Variants in PLD5 observed in about 807,000 individuals in gnomAD.
PLD5 encodes the protein phospholipase D family member 5, also known as inactive phospholipase D5.
In PLD5, 36 loss-of-function variants were observed where a neutral mutation model predicts 61.1. The ratio of observed to expected loss-of-function variants is 0.59; its 90% CI spans 0.45 to 0.78. The LOEUF is 0.78. Ranked by LOEUF, PLD5 falls within the 30% of genes least tolerant of loss-of-function variation. The probability of loss-of-function intolerance (pLI) is 0.00; values close to 1 mark genes in which losing one functional copy is unlikely to be tolerated. For missense variants in PLD5, 515 were observed against 644.4 expected, an observed-to-expected ratio of 0.80 and a Z score of 2.17; for synonymous variants, 243 against 242.8, an observed-to-expected ratio of 1.00 and a Z score of -0.01.
At chr1:242,098,498 G>C (rs905384041) in intron 9 of PLD5, among the ~76,000 whole-genome samples, 1 of 152,080 alleles carries the variant, frequency 6.6e-6, no homozygotes, top group African/African-American at 2.4e-5. Context: ...TTTGCCATGG[G>C]TTCGAACTTC....
At chr1:242,267,177 T>TGGAAAG (rs1376680981) in intron 3 of PLD5, among the ~76,000 whole-genome samples, 11 of 109,178 alleles carry the variant, frequency 1.0e-4, no homozygotes, top group Non-Finnish European at 1.9e-4. Flanking sequence ...GGAAAGGAAA[T>TGGAAAG]GGAAAGGGAA....
intron 2 of PLD5, among the ~76,000 whole-genome samples, chr1:242,330,325 G>T (rs1324276438): frequency 1.3e-5 from 2 of 152,176 alleles, no homozygotes; most frequent in African/African-American, 4.8e-5. Flanking sequence ...AATCTTGTTT[G>T]TGTCTCCTAT....
intron 5 of PLD5, among the ~76,000 whole-genome samples, chr1:242,150,825 A>T (rs1029770844): frequency 6.6e-6 from 1 of 151,822 alleles, no homozygotes; most frequent in African/African-American, 2.4e-5. Flanking sequence ...ATTAAAATGT[A>T]CTATTTTGAG....
intron 4 of PLD5, among the ~76,000 whole-genome samples, chr1:242,224,897 T>C (rs1670827896): frequency 6.6e-6 from 1 of 152,086 alleles, no homozygotes; most frequent in South Asian, 2.1e-4. Flanking sequence ...TGAAAGAGAG[T>C]CGTGTGACCA....
rs938453311 is a variant in PLD5, at chr1:242,437,050, G to A, written c.189+87038C>T. ...TGAAAGTTGAACCCCTTTGTCAGAG[G>A]TTTATATGTGATCTCGATTAGTCAC... On this transcript the variant is annotated intron_variant, in intron 1 of 9. Transcript: ENST00000536534. 3.9e-5 allele frequency among the ~76,000 whole-genome samples: 6 copies of A among 152,200 alleles called. No homozygotes were observed. The East Asian group carries it at 9.7e-4, about 25-fold the overall frequency.
At chr1:242,495,872 G>A (rs931279182) in intron 1 of PLD5, among the ~76,000 whole-genome samples, 1 of 152,170 alleles carries the variant, frequency 6.6e-6, no homozygotes, top group Non-Finnish European at 1.5e-5. Flanking sequence ...AACATCATAT[G>A]TTATTATAAA....
chr1:242,345,521 T>C (rs1660080670), intron 2 of PLD5: 5 of 815,756 alleles, frequency 6.1e-6, no homozygotes, highest in Non-Finnish European at 1.1e-5. Flanking sequence ...GATGGATGGG[T>C]GGAGGTCTGT....
chr1:242,373,496 C>T (rs981671432), intron 1 of PLD5, among the ~76,000 whole-genome samples: 5 of 152,196 alleles, frequency 3.3e-5, no homozygotes, highest in Non-Finnish European at 5.9e-5. Context: ...AAGACACATG[C>T]TCACGTATGT....
chr1:242,491,295 T>C (rs907905833), intron 1 of PLD5, among the ~76,000 whole-genome samples: 3 of 152,214 alleles, frequency 2.0e-5, no homozygotes, highest in African/African-American at 7.2e-5. Flanking sequence ...GAAGAGAACA[T>C]TGAAAAAACT....
chr1:242,310,607 A>C (rs2800497), intron 2 of PLD5, among the ~76,000 whole-genome samples: 1 of 152,216 alleles, frequency 6.6e-6, no homozygotes, highest in Non-Finnish European at 1.5e-5. Context: ...AAAAGTAATC[A>C]TGGGTTTTGC....
At chr1:242,400,267 C>T (rs1663852790) in intron 1 of PLD5, among the ~76,000 whole-genome samples, 1 of 149,090 alleles carries the variant, frequency 6.7e-6, no homozygotes. Flanking sequence ...CACCCCCACC[C>T]CCAGTTTTGT....
chr1:242,253,418 A>T (rs1216056454), intron 4 of PLD5, among the ~76,000 whole-genome samples: 3 of 143,762 alleles, frequency 2.1e-5, no homozygotes, highest in African/African-American at 7.8e-5. Context: ...GGTTCACGCC[A>T]TTCTCCTGCC....
At chr1:242,507,480 A>G (rs529384168) in intron 1 of PLD5, among the ~76,000 whole-genome samples, 2 of 152,342 alleles carry the variant, frequency 1.3e-5, no homozygotes, top group East Asian at 3.9e-4. Flanking sequence ...TCCTTTTACT[A>G]TAGCAATAGT....
chr1:242,272,973 T>C (rs1674192382), intron 3 of PLD5, among the ~76,000 whole-genome samples: 1 of 152,150 alleles, frequency 6.6e-6, no homozygotes, highest in Non-Finnish European at 1.5e-5. Flanking sequence ...GTTTGTTACA[T>C]AGGTATACAT....
At chr1:242,162,039 C>CA (rs572071624) in intron 5 of PLD5, among the ~76,000 whole-genome samples, 32 of 152,148 alleles carry the variant, frequency 2.1e-4, no homozygotes, top group Admixed American at 9.2e-4. Context: ...TGGTAGGCAA[C>CA]AAAATAAATA....
intron 3 of PLD5, among the ~76,000 whole-genome samples, chr1:242,280,650 AT>A (rs1211873686): frequency 6.6e-6 from 1 of 152,254 alleles, no homozygotes; most frequent in Non-Finnish European, 1.5e-5. Flanking sequence ...AATTTCAATT[AT>A]TTAAAGGATC....
upstream of PLD5, among the ~76,000 whole-genome samples, chr1:242,527,999 G>C (rs773607932): frequency 4.6e-5 from 7 of 152,120 alleles, no homozygotes; most frequent in Non-Finnish European, 8.8e-5. Flanking sequence ...ATTCTTTACC[G>C]TGCTGTTAGT....
chr1:242,162,792 C>CA (rs1665948150), intron 5 of PLD5, among the ~76,000 whole-genome samples: 1 of 152,080 alleles, frequency 6.6e-6, no homozygotes, highest in African/African-American at 2.4e-5. Context: ...TTAGAATAGA[C>CA]AGACAGCTCC....
intron 1 of PLD5, among the ~76,000 whole-genome samples, chr1:242,367,433 C>T (rs11590147): frequency 0.02 from 3,021 of 152,264 alleles, 44 homozygotes; most frequent in Non-Finnish European, 0.032. Context: ...TTCCTCCTAC[C>T]CTGTCCTTCT....
Sources: gnomAD v4.1 joint callset for allele counts (sites outside exome capture counted in the v4.1 genomes callset) on GRCh38, gnomAD v4.1.1 for gene constraint, MANE v1.5 for transcripts, NCBI Gene and HGNC (gene_info 2026-07-23, HGNC 2026-07-21) for gene names.